ZFR2: variants seen among roughly 807,000 people sequenced by gnomAD.
The protein encoded by ZFR2 is zinc finger RNA-binding protein 2.
ZFR2 carries 104 observed loss-of-function variants against 105.7 expected under a neutral mutation model. The ratio of observed to expected loss-of-function variants is 0.98; its 90% CI spans 0.84 to 1.16. The LOEUF is 1.16. Among genes scored for constraint, ZFR2 ranks in the 50% most tolerant of loss-of-function variants. The pLI is 0.00. For missense variants in ZFR2, 1,425 were observed against 1,355.5 expected, an observed-to-expected ratio of 1.05 and a Z score of -0.80; for synonymous variants, 634 against 597.7, an observed-to-expected ratio of 1.06 and a Z score of -0.89.
chr19:3,812,470 T>G (rs2037775942), intron 14 of ZFR2, among the ~76,000 whole-genome samples: 1 of 151,978 alleles, frequency 6.6e-6, no homozygotes, highest in Middle Eastern at 3.2e-3. Flanking sequence ...GAAGTGCACT[T>G]TCCTGGGGGG....
At chr19:3,849,732 C>T (rs1428442813) in intron 1 of ZFR2, among the ~76,000 whole-genome samples, 2 of 152,212 alleles carry the variant, frequency 1.3e-5, no homozygotes, top group Non-Finnish European at 2.9e-5. Context: ...CTTGAGTCAG[C>T]ACCATGAAGA....
intron 18 of ZFR2, 94 bp from the exon 19 acceptor site, chr19:3,806,219 A>G: frequency 1.6e-5 from 21 of 1,331,514 alleles, no homozygotes; most frequent in East Asian, 3.0e-5. Context: ...CCACCAGCAG[A>G]TGGGCCAGGC....
At chr19:3,868,505 T>A (rs1336997449) in intron 1 of ZFR2, among the ~76,000 whole-genome samples, 2 of 141,546 alleles carry the variant, frequency 1.4e-5, no homozygotes, top group African/African-American at 5.4e-5. Flanking sequence ...CCCCACCCAC[T>A]CCCCGGCCAG....
At chr19:3,806,411 T>C (rs1414732678) in intron 18 of ZFR2, among the ~76,000 whole-genome samples, 2 of 152,190 alleles carry the variant, frequency 1.3e-5, no homozygotes, top group South Asian at 2.1e-4. Context: ...TACAGGCGTG[T>C]GCCACCACGC....
At position 3,869,006 on chromosome 19, in the gene ZFR2, A is replaced by G; in HGVS notation, c.12T>C (p.Ser4=). 1 of 1,367,756 alleles carries G rather than the reference A, an allele frequency of 7.3e-7. No homozygotes were observed. The allele number at this position is 1,367,756 out of a possible 1,614,324, so 84.7% of individuals were successfully genotyped here. Residue 4 remains serine, a synonymous_variant, in exon 1 of 19, where the codon AGT becomes AGC. Transcript: ENST00000262961. The part of the protein sequence containing the change: MAT[S]QYFDFAQGGG... ...CGCCCTGCGCGAAGTCGAAATACTG[A>G]CTCGTCGCCATCTTGGCGTCTTCCC...
intron 1 of ZFR2, among the ~76,000 whole-genome samples, chr19:3,847,471 C>T (rs1024137385): frequency 3.3e-5 from 5 of 152,058 alleles, no homozygotes; most frequent in African/African-American, 9.7e-5. Flanking sequence ...TTGCAGTGAG[C>T]TGAGATTGCA....
At chr19:3,814,997 G>A (rs532480206) in intron 13 of ZFR2, among the ~76,000 whole-genome samples, 14 of 152,092 alleles carry the variant, frequency 9.2e-5, no homozygotes, top group African/African-American at 3.1e-4. Flanking sequence ...AGTGCCCACT[G>A]GAAAAGTCAA....
chr19:3,852,852 G>C (rs12974218), intron 1 of ZFR2, among the ~76,000 whole-genome samples: 66,197 of 151,792 alleles, frequency 0.44, 15,250 homozygotes, highest in East Asian at 0.53. Context: ...GGTGATGTCT[G>C]AGGACATCTG....
chr19:3,832,633 T>G (rs1391792382), intron 3 of ZFR2, among the ~76,000 whole-genome samples: 1 of 148,090 alleles, frequency 6.8e-6, no homozygotes, highest in Non-Finnish European at 1.5e-5. Context: ...ATTTTGTTTT[T>G]TTTTTTTATT....
In ZFR2 at chr19:3,807,299, A is replaced by G. The variant is rs768537201; in HGVS notation, c.2546-30T>C. ...GTGACGGGGAGTGGGAACAGCAAAG[A>G]AGGCGAGAATGCCCTCGTGAAAGAC... On this transcript the variant is annotated intron_variant, in intron 17 of 18. Transcript: ENST00000262961. 6 of 1,509,782 alleles carry G rather than the reference A, an allele frequency of 4.0e-6. 1 individual carries two copies. The African/African-American group carries it at 6.9e-5, about 17-fold the overall frequency. The allele number at this position is 1,509,782 out of a possible 1,614,324, so 93.5% of individuals were successfully genotyped here.
chr19:3,817,120 C>T (rs967352869), intron 12 of ZFR2, among the ~76,000 whole-genome samples: 1 of 152,200 alleles, frequency 6.6e-6, no homozygotes, highest in Non-Finnish European at 1.5e-5. Flanking sequence ...TGTGAGCAAA[C>T]GCTAAGCCCC....
chr19:3,863,721 C>G (rs941407383), intron 1 of ZFR2, among the ~76,000 whole-genome samples: 1 of 152,206 alleles, frequency 6.6e-6, no homozygotes, highest in Non-Finnish European at 1.5e-5. Context: ...GGCGCAACCT[C>G]TAAGCTGACG....
chr19:3,807,591 G>A (rs1047798974), intron 17 of ZFR2, among the ~76,000 whole-genome samples: 9 of 148,596 alleles, frequency 6.1e-5, no homozygotes, highest in African/African-American at 2.2e-4. Context: ...GCACGTGTGT[G>A]TCCGTGTGTG....
Position 3,810,858 on chromosome 19 carries a change from A to C in ZFR2, c.2338-13T>G. 6.5e-7 allele frequency: 1 copy of C among 1,549,980 alleles called. No individual in the cohort carries two copies. Among genetic ancestry groups the C allele is most frequent in the Non-Finnish European group, 8.7e-7 (1 of 1,146,570 alleles). ...CGCTGGCTCGAGCCTTCGGGGGAGA[A>C]GCACACGGTTAGCTTTCAGGGGCTC... On this transcript the variant is annotated splice_polypyrimidine_tract_variant and intron_variant, in intron 15 of 18. Coordinates refer to ENST00000262961, the MANE Select transcript of ZFR2 (RefSeq NM_015174.2).
At chr19:3,841,696 C>CT (rs766529670) in intron 1 of ZFR2, among the ~76,000 whole-genome samples, 1 of 151,828 alleles carries the variant, frequency 6.6e-6, no homozygotes, top group Non-Finnish European at 1.5e-5. Flanking sequence ...GTCCCAGCTA[C>CT]TCAGGACTTG....
At chr19:3,812,536 C>T (rs1376572152) in intron 14 of ZFR2, among the ~76,000 whole-genome samples, 1 of 152,044 alleles carries the variant, frequency 6.6e-6, no homozygotes, top group Non-Finnish European at 1.5e-5. Flanking sequence ...TTTCCGCTCA[C>T]TTCATCACCC....
chr19:3,811,208 G>C, intron 15 of ZFR2, 64 bp downstream of exon 15: 6 of 1,441,476 alleles, frequency 4.2e-6, no homozygotes, highest in South Asian at 1.4e-5. Flanking sequence ...GGTTGACCTG[G>C]TGCCTCTGAG....
At chr19:3,853,340 C>G (rs913043002) in intron 1 of ZFR2, among the ~76,000 whole-genome samples, 1 of 152,182 alleles carries the variant, frequency 6.6e-6, no homozygotes, top group South Asian at 2.1e-4. Flanking sequence ...TGTGGCCTCC[C>G]GCCCTGCCCT....
chr19:3,850,183 A>G (rs1255772849), intron 1 of ZFR2, among the ~76,000 whole-genome samples: 1 of 152,106 alleles, frequency 6.6e-6, no homozygotes, highest in Non-Finnish European at 1.5e-5. Flanking sequence ...ACTGCTCTGA[A>G]GACCCAGGAG....
Sources: gnomAD v4.1 joint callset for allele counts (sites outside exome capture counted in the v4.1 genomes callset) on GRCh38, gnomAD v4.1.1 for gene constraint, MANE v1.5 for transcripts, NCBI Gene and HGNC (gene_info 2026-07-23, HGNC 2026-07-21) for gene names.